Variants in NLGN1 observed in about 807,000 individuals in gnomAD.
NLGN1 encodes neuroligin-1.
Under a neutral mutation model 65.5 loss-of-function variants are expected in NLGN1, and 12 were observed. The observed-to-expected ratio is 0.18, with a 90% confidence interval of 0.12 to 0.30. The LOEUF (loss-of-function observed/expected upper bound fraction) is 0.30. NLGN1 is among the 10% of genes least tolerant of loss of function. NLGN1 has a pLI of 1.00. For synonymous variants in NLGN1, 350 were observed against 359.5 expected, an observed-to-expected ratio of 0.97 and a Z score of 0.30; for missense variants, 750 against 1,007.1, an observed-to-expected ratio of 0.74 and a Z score of 3.46.
At chr3:174,010,151 C>CA (rs895250426) in intron 4 of NLGN1, among the ~76,000 whole-genome samples, 134 of 151,734 alleles carry the variant, frequency 8.8e-4, no homozygotes, top group African/African-American at 2.8e-3. Context: ...AACAATTATT[C>CA]AAAAAAAATG....
chr3:173,629,362 A>G (rs1755323850), intron 3 of NLGN1, among the ~76,000 whole-genome samples: 2 of 151,584 alleles, frequency 1.3e-5, no homozygotes, highest in Non-Finnish European at 2.9e-5. Context: ...ACAATCCTCC[A>G]TTCTTGGCCT....
upstream of NLGN1, chr3:173,396,570 C>T (rs1311462085): frequency 3.3e-5 from 5 of 152,180 alleles, no homozygotes; most frequent in Admixed American, 3.3e-4. Flanking sequence ...TCTTTTGAGC[C>T]TGTTTTTTAA....
At chr3:174,042,873 A>G (rs944827432) in intron 4 of NLGN1, among the ~76,000 whole-genome samples, 1 of 152,160 alleles carries the variant, frequency 6.6e-6, no homozygotes, top group African/African-American at 2.4e-5. Flanking sequence ...CCAGTGTGCT[A>G]TGATGCCCTG....
intron 4 of NLGN1, among the ~76,000 whole-genome samples, chr3:174,045,680 G>A (rs1429510567): frequency 5.3e-5 from 8 of 152,170 alleles, no homozygotes; most frequent in Non-Finnish European, 2.9e-5. Context: ...GTACTACCCT[G>A]AGGAAACTGG....
chr3:173,494,714 G>T (rs1729725095), intron 2 of NLGN1, among the ~76,000 whole-genome samples: 1 of 151,724 alleles, frequency 6.6e-6, no homozygotes, highest in South Asian at 2.1e-4. Context: ...ATGATTTGAG[G>T]TAGTGGCTGA....
chr3:174,239,972 C>G (rs1742482504), intron 4 of NLGN1, among the ~76,000 whole-genome samples: 1 of 151,982 alleles, frequency 6.6e-6, no homozygotes, highest in Non-Finnish European at 1.5e-5. Flanking sequence ...GATACAGGAA[C>G]CCCAGAATAT....
At chr3:173,599,960 G>A (rs1023772162) in intron 2 of NLGN1, among the ~76,000 whole-genome samples, 3 of 152,020 alleles carry the variant, frequency 2.0e-5, no homozygotes, top group Non-Finnish European at 2.9e-5. Context: ...AGTAGAGGCC[G>A]TGCAGTGCAG....
At chr3:173,811,393 G>A (rs1413549554) in intron 4 of NLGN1, among the ~76,000 whole-genome samples, 1 of 151,782 alleles carries the variant, frequency 6.6e-6, no homozygotes, top group Non-Finnish European at 1.5e-5. Context: ...GTGAAACCCT[G>A]TCTCTAGTAA....
intron 4 of NLGN1, among the ~76,000 whole-genome samples, chr3:173,813,466 CTG>C (rs1265401800): frequency 6.6e-6 from 1 of 152,188 alleles, no homozygotes; most frequent in Admixed American, 6.5e-5. Flanking sequence ...AGAGTCCAGA[CTG>C]TTTTCATGGA....
chr3:173,842,629 C>CA (rs1482897084), intron 4 of NLGN1, among the ~76,000 whole-genome samples: 2 of 152,172 alleles, frequency 1.3e-5, no homozygotes, highest in African/African-American at 4.8e-5. Flanking sequence ...CTTAAAGCTC[C>CA]AAAAATGATC....
At chr3:173,607,234 A>G (rs557087247) in intron 3 of NLGN1, among the ~76,000 whole-genome samples, 1 of 152,004 alleles carries the variant, frequency 6.6e-6, no homozygotes, top group African/African-American at 2.4e-5. Flanking sequence ...TGGCAAAGAG[A>G]TGTGTAGGCA....
At chr3:173,856,916 A>T (rs981709601) in intron 4 of NLGN1, among the ~76,000 whole-genome samples, 2 of 151,956 alleles carry the variant, frequency 1.3e-5, no homozygotes, top group African/African-American at 4.8e-5. Context: ...AGGGAATAAT[A>T]TCACCATTCT....
chr3:173,963,565 C>T (rs1409134063), intron 4 of NLGN1, among the ~76,000 whole-genome samples: 1 of 151,892 alleles, frequency 6.6e-6, no homozygotes, highest in Non-Finnish European at 1.5e-5. Flanking sequence ...ATGGATAAGA[C>T]ATTTTAAAAG....
chr3:173,809,430 T>C (rs1471011158), intron 4 of NLGN1, among the ~76,000 whole-genome samples: 1 of 152,164 alleles, frequency 6.6e-6, no homozygotes, highest in African/African-American at 2.4e-5. Context: ...CTGATTATTA[T>C]TCTTATATTT....
intron 3 of NLGN1, among the ~76,000 whole-genome samples, chr3:173,696,479 G>C (rs575163122): frequency 2.0e-5 from 3 of 152,180 alleles, no homozygotes; most frequent in African/African-American, 7.2e-5. Context: ...CCCTCTTGTT[G>C]AATCAAGAGA....
chr3:173,413,982 A>G (rs919314367), intron 1 of NLGN1, among the ~76,000 whole-genome samples: 19 of 152,312 alleles, frequency 1.2e-4, no homozygotes, highest in Non-Finnish European at 1.8e-4. Flanking sequence ...GCGGTTCCAC[A>G]CTGTAGTGAA....
At chr3:173,651,224 T>C (rs1264665318) in intron 3 of NLGN1, among the ~76,000 whole-genome samples, 1 of 151,816 alleles carries the variant, frequency 6.6e-6, no homozygotes, top group Non-Finnish European at 1.5e-5. Context: ...CTTAAGATAA[T>C]GACCTCTAGT....
exon 7 of NLGN1, chr3:174,283,009 C>T (rs1390929448): frequency 6.6e-6 from 1 of 151,442 alleles, no homozygotes; most frequent in East Asian, 2.0e-4. Flanking sequence ...TGTCACTGGT[C>T]ATTGTGTGAA....
At chr3:173,457,718 C>T (rs1019159251) in intron 2 of NLGN1, among the ~76,000 whole-genome samples, 15 of 151,916 alleles carry the variant, frequency 9.9e-5, no homozygotes, top group African/African-American at 3.4e-4. Context: ...AGTTGAGATT[C>T]AGTATGTATG....
Sources: allele counts gnomAD v4.1 joint callset (sites outside exome capture counted in the v4.1 genomes callset), GRCh38; gene constraint gnomAD v4.1.1; transcripts MANE v1.5; gene names NCBI Gene and HGNC (gene_info 2026-07-23, HGNC 2026-07-21).